ELMO1: variants seen among roughly 807,000 people sequenced by gnomAD.
The protein encoded by ELMO1 is engulfment and cell motility 1, also known as engulfment and cell motility protein 1.
Under a neutral mutation model 98.9 loss-of-function variants are expected in ELMO1, and 26 were observed. The ratio of observed to expected loss-of-function variants is 0.26; its 90% confidence interval spans 0.19 to 0.36. The LOEUF is 0.36. Among genes scored for constraint, ELMO1 ranks in the 10% least tolerant of loss-of-function variants. ELMO1 has a pLI of 1.00. For synonymous variants in ELMO1, 346 were observed against 346.0 expected, an observed-to-expected ratio of 1.00 and a Z score of 0.00; for missense variants, 627 against 935.2, an observed-to-expected ratio of 0.67 and a Z score of 4.30.
At chr7:37,062,980 T>A (rs1023925104) in intron 15 of ELMO1, among the ~76,000 whole-genome samples, 10 of 152,228 alleles carry the variant, frequency 6.6e-5, no homozygotes, top group African/African-American at 2.4e-4. Flanking sequence ...TCCAGAGGCA[T>A]CAGAGAGGGA....
chr7:37,191,144 G>A (rs1337802311), intron 13 of ELMO1, among the ~76,000 whole-genome samples: 13 of 142,680 alleles, frequency 9.1e-5, no homozygotes, highest in Non-Finnish European at 1.6e-4. Context: ...AGCCGAGACC[G>A]CGCCACTGCA....
At chr7:36,859,477 G>A (rs753748257) in intron 21 of ELMO1, among the ~76,000 whole-genome samples, 5 of 152,196 alleles carry the variant, frequency 3.3e-5, no homozygotes, top group Non-Finnish European at 7.3e-5. Context: ...CCATGAGTTG[G>A]TGATTGTAGA....
intron 2 of ELMO1, among the ~76,000 whole-genome samples, chr7:37,332,608 T>C (rs1471384371): frequency 1.3e-5 from 2 of 152,230 alleles, no homozygotes; most frequent in Admixed American, 6.5e-5. Flanking sequence ...GGATAATTTC[T>C]AGTTAAGAGA....
At chr7:37,204,689 T>G (rs1359998021) in intron 13 of ELMO1, among the ~76,000 whole-genome samples, 2 of 152,242 alleles carry the variant, frequency 1.3e-5, no homozygotes, top group East Asian at 3.9e-4. Flanking sequence ...TTGGTCCATT[T>G]TACAGAGTGC....
chr7:37,080,436 CTT>C (rs1192675212), intron 15 of ELMO1, among the ~76,000 whole-genome samples: 12 of 136,526 alleles, frequency 8.8e-5, no homozygotes, highest in Admixed American at 7.4e-5. Flanking sequence ...CACCATCCCA[CTT>C]TTTTTTTTTT....
chr7:36,989,430 A>G (rs73117532), intron 16 of ELMO1, among the ~76,000 whole-genome samples: 18,986 of 152,228 alleles, frequency 0.12, 1,440 homozygotes, highest in Middle Eastern at 0.2. Flanking sequence ...AGGGGGCAGA[A>G]TCACGAATAT....
intron 16 of ELMO1, among the ~76,000 whole-genome samples, chr7:36,993,836 A>C (rs1009285967): frequency 6.6e-6 from 1 of 152,238 alleles, no homozygotes; most frequent in African/African-American, 2.4e-5. Flanking sequence ...CATGGTTTCC[A>C]AAATGCATTG....
intron 16 of ELMO1, among the ~76,000 whole-genome samples, chr7:36,970,681 C>CA (rs1789864692): frequency 6.6e-6 from 1 of 152,210 alleles, no homozygotes; most frequent in African/African-American, 2.4e-5. Flanking sequence ...AAAATGACCA[C>CA]ACTTTTACCA....
intron 8 of ELMO1, among the ~76,000 whole-genome samples, chr7:37,231,124 T>A (rs1424979522): frequency 1.3e-5 from 2 of 152,196 alleles, no homozygotes. Flanking sequence ...TTTGGCTTTA[T>A]GGATTTACAT....
At chr7:37,256,060 C>T (rs1206832352) in intron 6 of ELMO1, among the ~76,000 whole-genome samples, 2 of 152,188 alleles carry the variant, frequency 1.3e-5, no homozygotes, top group Non-Finnish European at 2.9e-5. Context: ...GCTCCCCTCA[C>T]AGACAGGACC....
chr7:37,278,553 A>T (rs2723951), intron 4 of ELMO1, among the ~76,000 whole-genome samples: 77,220 of 151,916 alleles, frequency 0.51, 19,847 homozygotes, highest in Middle Eastern at 0.62. Context: ...AGCCGAGGGT[A>T]CCTTGAAGGA....
intron 14 of ELMO1, among the ~76,000 whole-genome samples, chr7:37,109,332 A>G (rs1785109987): frequency 6.6e-6 from 1 of 152,194 alleles, no homozygotes; most frequent in African/African-American, 2.4e-5. Context: ...TGTGTGAAAA[A>G]TGTCCTTCGT....
At chr7:37,356,833 A>G (rs1400572969) in intron 1 of ELMO1, among the ~76,000 whole-genome samples, 1 of 152,174 alleles carries the variant, frequency 6.6e-6, no homozygotes, top group Non-Finnish European at 1.5e-5. Flanking sequence ...AGCATTTCTT[A>G]ATAAAAGCAT....
chr7:37,390,362 G>T (rs546632509), intron 1 of ELMO1, among the ~76,000 whole-genome samples: 1 of 152,314 alleles, frequency 6.6e-6, no homozygotes, highest in African/African-American at 2.4e-5. Flanking sequence ...AGAGTGGAGG[G>T]TGGCAGAACT....
intron 6 of ELMO1, among the ~76,000 whole-genome samples, chr7:37,258,085 T>C (rs1795783944): frequency 6.6e-6 from 1 of 152,078 alleles, no homozygotes. Context: ...CTGGCTGACA[T>C]GGTGAAACCC....
intron 16 of ELMO1, among the ~76,000 whole-genome samples, chr7:36,964,668 C>G (rs1562861641): frequency 6.6e-6 from 1 of 151,994 alleles, no homozygotes; most frequent in Non-Finnish European, 1.5e-5. Context: ...TTTTTCTACT[C>G]TGGCTTTTAA....
intron 4 of ELMO1, among the ~76,000 whole-genome samples, chr7:37,286,913 G>C (rs1267607469): frequency 6.6e-6 from 1 of 152,110 alleles, no homozygotes; most frequent in Admixed American, 6.5e-5. Context: ...TTGTATCATA[G>C]GCTGGGCACA....
intron 15 of ELMO1, among the ~76,000 whole-genome samples, chr7:37,092,374 T>TC (rs1181544332): frequency 1.0e-5 from 1 of 99,682 alleles, no homozygotes; most frequent in Admixed American, 8.8e-5. Flanking sequence ...TTCTTTTTTT[T>TC]TTTTTTTTTT....
At chr7:37,184,455 A>G (rs952373804) in intron 13 of ELMO1, among the ~76,000 whole-genome samples, 4 of 152,126 alleles carry the variant, frequency 2.6e-5, no homozygotes, top group African/African-American at 4.8e-5. Context: ...AACTGAAGAC[A>G]CTTGTTGATA....
Sources: gnomAD v4.1 joint callset for allele counts (sites outside exome capture counted in the v4.1 genomes callset) on GRCh38, gnomAD v4.1.1 for gene constraint, MANE v1.5 for transcripts, NCBI Gene and HGNC (gene_info 2026-07-23, HGNC 2026-07-21) for gene names.